The following KLHL2 variants were observed in gnomAD, a reference collection of about 807,000 sequenced individuals.
KLHL2 encodes kelch like family member 2, also known as kelch-like protein 2.
A neutral mutation model predicts 75.8 loss-of-function variants in KLHL2; 15 were observed. The ratio of observed to expected loss-of-function variants is 0.20; its 90% CI spans 0.13 to 0.30. The LOEUF (loss-of-function observed/expected upper bound fraction) is 0.30. KLHL2 is among the 10% of genes least tolerant of loss of function. The pLI is 1.00. For synonymous variants in KLHL2, 214 were observed against 251.9 expected, an observed-to-expected ratio of 0.85 and a Z score of 1.42; for missense variants, 381 against 741.0, an observed-to-expected ratio of 0.51 and a Z score of 5.64.
intron 2 of KLHL2, among the ~76,000 whole-genome samples, chr4:165,228,399 T>C (rs1368982433): frequency 6.7e-6 from 1 of 150,074 alleles, no homozygotes; most frequent in Non-Finnish European, 1.5e-5. Flanking sequence ...AGGGGATGGG[T>C]ATTTGACCCA....
chr4:165,271,090 C>G (rs564786762), intron 5 of KLHL2, among the ~76,000 whole-genome samples: 1 of 152,178 alleles, frequency 6.6e-6, no homozygotes, highest in South Asian at 2.1e-4. Flanking sequence ...TGTCATGCCT[C>G]TAGATTTGTT....
chr4:165,279,599 A>G, intron 5 of KLHL2: 1 of 1,610,412 alleles, frequency 6.2e-7, no homozygotes, highest in Non-Finnish European at 8.5e-7. Flanking sequence ...GCCTTGGTCC[A>G]CTGCCCCCAC....
At chr4:165,226,980 A>G (rs1738491794) in intron 2 of KLHL2, among the ~76,000 whole-genome samples, 1 of 152,134 alleles carries the variant, frequency 6.6e-6, no homozygotes, top group Non-Finnish European at 1.5e-5. Flanking sequence ...CATGCAGGTA[A>G]AACTCTTGCA....
At position 165,264,766 on chromosome 4, in the gene KLHL2, A is replaced by T. The variant is rs542205552; in HGVS notation, c.544+1407A>T. Among the ~76,000 whole-genome samples, 395 of 95,570 alleles carry T rather than the reference A, an allele frequency of 4.1e-3. 3 individuals are homozygous for T. Among genetic ancestry groups the T allele is most frequent in the African/African-American group, 0.02 (362 of 18,022 alleles). 62.7% of individuals were successfully genotyped at this position (95,570 alleles called of 152,430 possible). A position where few individuals can be genotyped will look rare whatever the true frequency, so the allele number is the denominator to read the frequency against. ...TATATATATATATATATATATATATAAAACATTATCCACTCATTGGCTGAT... is the reference window on the plus strand; with the variant it reads ...TATATATATATATATATATATATATTAAACATTATCCACTCATTGGCTGAT... On this transcript the variant is annotated intron_variant, in intron 5 of 14. Transcript: ENST00000226725.
At chr4:165,220,179 G>C in intron 2 of KLHL2, 120 bp downstream of exon 2, 1 of 1,460,826 alleles carries the variant, frequency 6.8e-7, no homozygotes, top group Non-Finnish European at 9.1e-7. Flanking sequence ...AACATTAAAA[G>C]CTTTTTCTGC....
At chr4:165,320,996 T>C (rs1746935905) in intron 14 of KLHL2, among the ~76,000 whole-genome samples, 1 of 152,208 alleles carries the variant, frequency 6.6e-6, no homozygotes, top group Non-Finnish European at 1.5e-5. Context: ...CAAATTGACA[T>C]TAGACAGTCT....
chr4:165,285,549 G>C (rs1439209067), intron 5 of KLHL2, among the ~76,000 whole-genome samples: 1 of 152,148 alleles, frequency 6.6e-6, no homozygotes, highest in Non-Finnish European at 1.5e-5. Flanking sequence ...TGGGATTACA[G>C]GTTCCCGCCA....
At chr4:165,261,288 A>G (rs1363525729) in intron 4 of KLHL2, among the ~76,000 whole-genome samples, 2 of 152,238 alleles carry the variant, frequency 1.3e-5, no homozygotes, top group African/African-American at 2.4e-5. Flanking sequence ...GAAACCTACT[A>G]TACATATCAT....
At chr4:165,274,409 A>AC (rs1742919938) in intron 5 of KLHL2, among the ~76,000 whole-genome samples, 1 of 152,230 alleles carries the variant, frequency 6.6e-6, no homozygotes, top group Admixed American at 6.5e-5. Context: ...TGAGATCGAG[A>AC]CCATCCTGGC....
chr4:165,310,765 A>G lies in KLHL2; in HGVS notation c.1237+15A>G. 1.3e-6 allele frequency: 2 copies of G among 1,587,102 alleles called. No individual in the cohort carries two copies. The highest frequency in any genetic ancestry group is 1.7e-6 in the Non-Finnish European group (2 of 1,156,966). Reference sequence around the variant, plus strand: ...TGGGAGTACAGGTAATTTCCTTTTCATTTATTCTACATTGCTGCTAAAATT... The same window carrying G: ...TGGGAGTACAGGTAATTTCCTTTTCGTTTATTCTACATTGCTGCTAAAATT... On this transcript the variant is annotated intron_variant, in intron 10 of 14. Coordinates refer to ENST00000226725, the MANE Select transcript of KLHL2 (RefSeq NM_007246.4).
rs1018463632 is a variant in KLHL2 at position 165,318,029 on chromosome 4, T to C, written c.1753+60T>C. 1.5e-5 allele frequency: 23 copies of C among 1,494,016 alleles called. No homozygotes were observed. The Middle Eastern group carries it at 5.1e-4, about 33-fold the overall frequency. 92.5% of individuals were successfully genotyped at this position (1,494,016 alleles called of 1,614,324 possible). On this transcript the variant is annotated intron_variant, in intron 14 of 14. Transcript: ENST00000226725. ...AAAGATGACCTCATTATGAATGTTA[T>C]ATTAACGAAGTTTTTCTGTTATAAG...
chr4:165,255,163 G>A (rs1212410058), intron 4 of KLHL2, among the ~76,000 whole-genome samples: 1 of 152,154 alleles, frequency 6.6e-6, no homozygotes, highest in African/African-American at 2.4e-5. Flanking sequence ...AGGAGAGATG[G>A]CTTTCAGTCT....
chr4:165,258,747 A>G (rs1181643695), intron 4 of KLHL2, among the ~76,000 whole-genome samples: 1 of 152,244 alleles, frequency 6.6e-6, no homozygotes, highest in African/African-American at 2.4e-5. Context: ...CTACTTCAGT[A>G]GAAAGTAAGC....
chr4:165,219,816 T>C lies in KLHL2; in HGVS notation c.27-118T>C, dbSNP rs1737842230. On this transcript the variant is annotated intron_variant, in intron 1 of 14. Transcript: ENST00000226725. Reference sequence around the variant, plus strand: ...CATTGGGATATTCTGTCCATGAGACTTCCTCTAAATAAGTAGGGGAAGGAG... The same window carrying C: ...CATTGGGATATTCTGTCCATGAGACCTCCTCTAAATAAGTAGGGGAAGGAG... The C allele has an allele frequency of 4.4e-6, 6 of 1,368,942 alleles. No homozygotes were observed. The East Asian group carries it at 1.3e-4, about 29-fold the overall frequency. 84.8% of individuals were successfully genotyped at this position (1,368,942 alleles called of 1,614,324 possible).
chr4:165,309,532 T>A (rs540876255), intron 9 of KLHL2, among the ~76,000 whole-genome samples: 8 of 152,344 alleles, frequency 5.3e-5, no homozygotes, highest in African/African-American at 1.9e-4. Context: ...TTTTAGGCTT[T>A]GTGGTTATAT....
rs1745153730 is a variant in KLHL2, at chr4:165,299,140, G to A, written c.772-367G>A. Reference sequence around the variant, plus strand: ...TTATTAGTATTGTCTTCACCTGAAGGATGTATTATCTAAACTTTGTTTCTT... The same window carrying A: ...TTATTAGTATTGTCTTCACCTGAAGAATGTATTATCTAAACTTTGTTTCTT... On this transcript the variant is annotated intron_variant, in intron 7 of 14. Coordinates refer to ENST00000226725, the MANE Select transcript of KLHL2 (RefSeq NM_007246.4). Among the ~76,000 whole-genome samples, 3 of 152,090 alleles carry A rather than the reference G, an allele frequency of 2.0e-5. No individual in the cohort carries two copies. In the South Asian group the frequency reaches 6.2e-4, roughly 32 times the overall value.
At chr4:165,224,426 A>G (rs528250737) in intron 2 of KLHL2, among the ~76,000 whole-genome samples, 1 of 152,324 alleles carries the variant, frequency 6.6e-6, no homozygotes, top group Non-Finnish European at 1.5e-5. Context: ...GTTCACCTTT[A>G]TATCCTGTAC....
chr4:165,300,948 A>G (rs1745307046), intron 8 of KLHL2, among the ~76,000 whole-genome samples: 1 of 152,058 alleles, frequency 6.6e-6, no homozygotes, highest in East Asian at 1.9e-4. Context: ...CTATATTGGT[A>G]TTGTTTTTCT....
At chr4:165,222,478 C>G (rs1324248500) in intron 2 of KLHL2, among the ~76,000 whole-genome samples, 1 of 152,106 alleles carries the variant, frequency 6.6e-6, no homozygotes, top group African/African-American at 2.4e-5. Context: ...TGTCACTGGG[C>G]TGGTAGTCGA....
Sources: gnomAD v4.1 joint callset for allele counts (sites outside exome capture counted in the v4.1 genomes callset) on GRCh38, gnomAD v4.1.1 for gene constraint, MANE v1.5 for transcripts, NCBI Gene and HGNC (gene_info 2026-07-23, HGNC 2026-07-21) for gene names.